The following GYG2 variants were observed in gnomAD, a reference collection of about 807,000 sequenced individuals.
GYG2 encodes glycogenin-2.
In GYG2, 29 loss-of-function variants were observed where a neutral mutation model predicts 29.4. The ratio of observed to expected loss-of-function variants is 0.99; its 90% CI spans 0.74 to 1.35. The LOEUF is 1.35. GYG2 is among the 40% of genes most tolerant of loss of function. The probability of loss-of-function intolerance (pLI) is 0.00; values close to 1 mark genes in which losing one functional copy is unlikely to be tolerated. For synonymous variants in GYG2, 167 were observed against 172.3 expected (o/e 0.97, Z 0.24); for missense variants, 370 against 385.7 (o/e 0.96, Z 0.34).
chrX:2,877,532 A>G (rs1396291149), intron 10 of GYG2: 1 of 1,004,592 alleles, frequency 1.0e-6, no homozygotes, highest in East Asian at 3.8e-5. Flanking sequence ...TCTGATCATC[A>G]CGCTTTTTCT....
intron 2 of GYG2, among the ~76,000 whole-genome samples, chrX:2,830,567 G>A (rs1192651317): frequency 1.8e-5 from 2 of 112,168 alleles, no homozygotes; most frequent in African/African-American, 3.2e-5. Flanking sequence ...AAAGCTCTGG[G>A]AAGAGGCTGC....
Position 2,830,163 on chromosome X carries a change from G to A in GYG2, c.-26G>A, listed in dbSNP as rs766352089. 1.3e-5 allele frequency: 16 copies of A among 1,207,290 alleles called. No homozygotes were observed. The highest frequency in any genetic ancestry group is 1.6e-5 in the Non-Finnish European group (14 of 891,289). ...CCCGGGCGCAGGTCTGCAGGTCCGC[G>A]CCCACTGCCCGCGGCGCCACTGACC... On this transcript the variant is annotated 5_prime_UTR_variant, in exon 2 of 11. Transcript: ENST00000398806.
chrX:2,867,262 C>G (rs754007143), intron 8 of GYG2, among the ~76,000 whole-genome samples: 1 of 99,412 alleles, frequency 1.0e-5, no homozygotes, highest in Non-Finnish European at 2.1e-5. Flanking sequence ...CCTCACCCCT[C>G]CCTCCACCCC....
At chrX:2,867,664 G>T (rs2147245012) in intron 8 of GYG2, among the ~76,000 whole-genome samples, 1 of 111,787 alleles carries the variant, frequency 8.9e-6, no homozygotes, top group South Asian at 3.8e-4. Context: ...GAAAGGAAGA[G>T]AAATTCGAAT....
chrX:2,860,752 C>T (rs2088142721), intron 7 of GYG2, among the ~76,000 whole-genome samples: 1 of 105,511 alleles, frequency 9.5e-6, no homozygotes, highest in African/African-American at 3.5e-5. Context: ...TTTTTTGAGA[C>T]AGAGTCTCAC....
In GYG2 at chrX:2,832,262, G is replaced by A. The variant is rs554238171; in HGVS notation, c.7+2067G>A. The stretch of plus-strand genomic sequence containing the variant: ...TTTTTGTTCCAAAGCAAAAGTCTGA[G>A]TCTCGGATCCCTTGTTGCTGGAGAG... On this transcript the variant is annotated intron_variant, in intron 2 of 10. Coordinates refer to ENST00000398806, the MANE Select transcript of GYG2 (RefSeq NM_001079855.2). Among the ~76,000 whole-genome samples the A allele has an allele frequency of 9.1e-4, 102 of 112,519 alleles. 1 individual carries two copies. Among genetic ancestry groups the A allele is most frequent in the African/African-American group, 3.3e-3 (102 of 31,035 alleles).
chrX:2,877,668 G>A, intron 10 of GYG2: 1 of 751,762 alleles, frequency 1.3e-6, no homozygotes, highest in Non-Finnish European at 1.6e-6. Context: ...AGTGGGGCAT[G>A]CTAATGTTCG....
At chrX:2,873,023 G>A (rs890511947) in intron 8 of GYG2, among the ~76,000 whole-genome samples, 1 of 111,996 alleles carries the variant, frequency 8.9e-6, no homozygotes, top group African/African-American at 3.2e-5. Flanking sequence ...CCCAAATCCC[G>A]CTCTCTCACT....
chrX:2,864,431 A>C lies in GYG2; in HGVS notation c.1038+2709A>C, dbSNP rs111572229. ...CTGATTGGTCTTTCCAAAGGAGGCA[A>C]TCAGATATGCATTTATCTCAGTGAG... On this transcript the variant is annotated intron_variant, in intron 8 of 10. Transcript: ENST00000398806. 8.7e-3 allele frequency among the ~76,000 whole-genome samples: 952 copies of C among 108,897 alleles called. 10 individuals are homozygous for C. Among genetic ancestry groups the C allele is most frequent in the African/African-American group, 0.031 (926 of 29,819 alleles). 94.6% of individuals were successfully genotyped at this position (108,897 alleles called of 115,157 possible).
chrX:2,833,171 C>T (rs1293203117), intron 2 of GYG2, among the ~76,000 whole-genome samples: 1 of 110,986 alleles, frequency 9.0e-6, no homozygotes, highest in Non-Finnish European at 1.9e-5. Flanking sequence ...TTCCTCCTGA[C>T]GCCTCTCTCC....
intron 3 of GYG2, among the ~76,000 whole-genome samples, chrX:2,851,611 C>T (rs1239146087): frequency 9.0e-6 from 1 of 111,667 alleles, no homozygotes; most frequent in Non-Finnish European, 1.9e-5. Flanking sequence ...GCAAAAAAAT[C>T]ATCAGAATTG....
At chrX:2,862,512 G>A (rs932598055) in intron 8 of GYG2, among the ~76,000 whole-genome samples, 1 of 111,253 alleles carries the variant, frequency 9.0e-6, no homozygotes, top group East Asian at 2.8e-4. Flanking sequence ...CTGCCTGGCC[G>A]TGCATCCTGA....
chrX:2,855,561 G>A (rs1311815250), intron 5 of GYG2, among the ~76,000 whole-genome samples: 4 of 112,118 alleles, frequency 3.6e-5, no homozygotes. Context: ...GTCTTTGACC[G>A]AAGCACTTTT....
At chrX:2,830,277 C>G (rs2087235158) in intron 2 of GYG2, 82 bp downstream of exon 2, 1 of 886,308 alleles carries the variant, frequency 1.1e-6, no homozygotes, top group Non-Finnish European at 1.7e-6. Flanking sequence ...GGGGAGAACC[C>G]CACTTTGACC....
chrX:2,834,167 C>A (rs1246641363), intron 2 of GYG2, among the ~76,000 whole-genome samples: 1 of 112,097 alleles, frequency 8.9e-6, no homozygotes, highest in African/African-American at 3.2e-5. Flanking sequence ...CTGCCTCTTC[C>A]TTCTTTGCCT....
intron 4 of GYG2, 73 bp downstream of exon 4, chrX:2,854,227 T>A: frequency 1.3e-6 from 1 of 753,047 alleles, no homozygotes; most frequent in Admixed American, 3.1e-5. Context: ...GCTGTCAACT[T>A]TTTTTTGTGT....
intron 4 of GYG2, 97 bp from the exon 5 acceptor site, chrX:2,854,896 C>T (rs2087946102): frequency 3.0e-6 from 3 of 986,829 alleles, no homozygotes; most frequent in East Asian, 3.1e-5. Flanking sequence ...TGAAGCACTG[C>T]ACTCCAGCCT....
intron 8 of GYG2, among the ~76,000 whole-genome samples, chrX:2,864,644 G>A (rs993303703): frequency 4.5e-5 from 5 of 111,442 alleles, no homozygotes; most frequent in Non-Finnish European, 9.4e-5. Context: ...ATCTTATTCC[G>A]TCACTGAATC....
At chrX:2,856,018 G>T (rs917217762) in intron 5 of GYG2, among the ~76,000 whole-genome samples, 1 of 112,268 alleles carries the variant, frequency 8.9e-6, no homozygotes, top group Non-Finnish European at 1.9e-5. Context: ...GTAGAATATA[G>T]GGAGAATTAA....
Sources: allele counts gnomAD v4.1 joint callset (sites outside exome capture counted in the v4.1 genomes callset), GRCh38; gene constraint gnomAD v4.1.1; transcripts MANE v1.5; gene names NCBI Gene and HGNC (gene_info 2026-07-23, HGNC 2026-07-21).